FARS2: variants seen among roughly 807,000 people sequenced by gnomAD.
FARS2 encodes the protein phenylalanine--tRNA ligase, mitochondrial.
A neutral mutation model predicts 46.4 loss-of-function variants in FARS2; 40 were observed. That is an observed-to-expected ratio of 0.86 (90% CI 0.67 to 1.12). The LOEUF is 1.12. Ranked by LOEUF, FARS2 falls within the 50% of genes most tolerant of loss-of-function variation. The pLI, the probability that FARS2 is intolerant of heterozygous loss-of-function variation, is 0.00. For missense variants in FARS2, 513 were observed against 567.9 expected, an observed-to-expected ratio of 0.90 and a Z score of 0.98; for synonymous variants, 234 against 214.9, an observed-to-expected ratio of 1.09 and a Z score of -0.78.
chr6:5,493,666 A>G (rs1767272189), intron 4 of FARS2, among the ~76,000 whole-genome samples: 3 of 152,246 alleles, frequency 2.0e-5, no homozygotes, highest in Admixed American at 2.0e-4. Context: ...CATTTATAAA[A>G]TGGGAGCAGT....
intron 4 of FARS2, among the ~76,000 whole-genome samples, chr6:5,459,666 G>T (rs907840145): frequency 2.0e-5 from 3 of 152,136 alleles, no homozygotes; most frequent in Non-Finnish European, 4.4e-5. Flanking sequence ...TTTAAAAAAA[G>T]ACTTCTATTC....
chr6:5,436,571 C>T (rs1216408297), intron 4 of FARS2, among the ~76,000 whole-genome samples: 2 of 152,180 alleles, frequency 1.3e-5, no homozygotes, highest in African/African-American at 2.4e-5. Flanking sequence ...ATCGTTAGAA[C>T]ATAGTCATGC....
At chr6:5,298,685 T>C (rs1647100824) in intron 1 of FARS2, among the ~76,000 whole-genome samples, 1 of 152,158 alleles carries the variant, frequency 6.6e-6, no homozygotes, top group African/African-American at 2.4e-5. Context: ...GAGGTGATTC[T>C]AATGTGCCAT....
chr6:5,288,604 T>C (rs1767290066), intron 1 of FARS2, among the ~76,000 whole-genome samples: 1 of 152,194 alleles, frequency 6.6e-6, no homozygotes, highest in African/African-American at 2.4e-5. Flanking sequence ...GGTTGGATTC[T>C]CCCATTCATT....
intron 2 of FARS2, among the ~76,000 whole-genome samples, chr6:5,397,513 T>C (rs1760980906): frequency 6.6e-6 from 1 of 152,176 alleles, no homozygotes; most frequent in Non-Finnish European, 1.5e-5. Context: ...TGGAGGATGC[T>C]GATAGTGGAG....
chr6:5,280,805 A>C (rs1766667630), intron 1 of FARS2, among the ~76,000 whole-genome samples: 1 of 152,082 alleles, frequency 6.6e-6, no homozygotes, highest in Non-Finnish European at 1.5e-5. Flanking sequence ...GTTTACAGTA[A>C]ATTATACACT....
At chr6:5,295,985 A>G (rs1343977079) in intron 1 of FARS2, among the ~76,000 whole-genome samples, 2 of 152,146 alleles carry the variant, frequency 1.3e-5, no homozygotes, top group Non-Finnish European at 2.9e-5. Context: ...TGGAGGGCTT[A>G]CTGTGTGCCA....
intron 1 of FARS2, among the ~76,000 whole-genome samples, chr6:5,268,814 A>G (rs566729228): frequency 2.6e-5 from 4 of 152,194 alleles, no homozygotes; most frequent in African/African-American, 7.2e-5. Context: ...TTTTCACGAT[A>G]TTGATTCTTC....
chr6:5,715,310 C>A (rs991103021), intron 6 of FARS2, among the ~76,000 whole-genome samples: 2 of 152,084 alleles, frequency 1.3e-5, no homozygotes, highest in South Asian at 2.1e-4. Flanking sequence ...CCTGCCCACA[C>A]CCTCCCCAGC....
intron 6 of FARS2, among the ~76,000 whole-genome samples, chr6:5,645,077 A>T (rs1302612591): frequency 6.6e-6 from 1 of 152,224 alleles, no homozygotes; most frequent in Non-Finnish European, 1.5e-5. Context: ...AACTTGGATG[A>T]GAATATTCTC....
rs577402174 is a variant in FARS2, at chr6:5,599,898, T to G, written c.1066-13271T>G. Among the ~76,000 whole-genome samples, 118 of 152,244 alleles carry G rather than the reference T, an allele frequency of 7.8e-4. 1 individual carries two copies. The highest frequency in any genetic ancestry group is 2.6e-3 in the African/African-American group (106 of 41,568). On this transcript the variant is annotated intron_variant, in intron 5 of 6. Coordinates refer to ENST00000274680, the MANE Select transcript of FARS2 (RefSeq NM_006567.5). Reference sequence around the variant, plus strand: ...CTCAGGCTTGCTTCTTTTTTTTTTTTTGTGAAAAAGCATTAAGTTCAGGCA... The same window carrying G: ...CTCAGGCTTGCTTCTTTTTTTTTTTGTGTGAAAAAGCATTAAGTTCAGGCA...
intron 6 of FARS2, among the ~76,000 whole-genome samples, chr6:5,753,110 T>C (rs1762037954): frequency 6.6e-6 from 1 of 152,188 alleles, no homozygotes; most frequent in South Asian, 2.1e-4. Flanking sequence ...TTTAGGCACC[T>C]AAAATCCCTT....
At chr6:5,312,601 G>A (rs191800598) in intron 1 of FARS2, among the ~76,000 whole-genome samples, 1 of 152,338 alleles carries the variant, frequency 6.6e-6, no homozygotes, top group East Asian at 1.9e-4. Context: ...GTTATTCCCA[G>A]TGTGTGTTAG....
chr6:5,267,894 T>C (rs1312988453), intron 1 of FARS2, among the ~76,000 whole-genome samples: 3 of 152,166 alleles, frequency 2.0e-5, no homozygotes, highest in Admixed American at 1.3e-4. Flanking sequence ...TGATCGCCAT[T>C]CTAACTGGTG....
chr6:5,655,234 A>G (rs13220370), intron 6 of FARS2, among the ~76,000 whole-genome samples: 41,387 of 152,082 alleles, frequency 0.27, 6,194 homozygotes, highest in South Asian at 0.42. Context: ...CTTAAACTCT[A>G]TAGAGCTTGA....
intron 3 of FARS2, among the ~76,000 whole-genome samples, chr6:5,411,167 T>C (rs1417194581): frequency 6.6e-6 from 1 of 152,160 alleles, no homozygotes; most frequent in Non-Finnish European, 1.5e-5. Flanking sequence ...TAGTCCCAGC[T>C]ACTTAGGAGG....
At chr6:5,718,058 C>A (rs563363341) in intron 6 of FARS2, among the ~76,000 whole-genome samples, 1 of 151,882 alleles carries the variant, frequency 6.6e-6, no homozygotes, top group South Asian at 2.1e-4. Flanking sequence ...GGATTACAGG[C>A]GTGTGCCACC....
Position 5,341,218 on chromosome 6 carries a change from TATATATATA to T in FARS2, c.-21-27331_-21-27323del, listed in dbSNP as rs1561969933. 8.1e-3 allele frequency among the ~76,000 whole-genome samples: 60 copies of T among 7,434 alleles called. 5 individuals are homozygous for T. The highest frequency in any genetic ancestry group is 0.028 in the Admixed American group (15 of 538). The allele number at this position is 7,434 out of a possible 152,430, so 4.9% of individuals were successfully genotyped here. A position where few individuals can be genotyped will look rare whatever the true frequency, so the allele number is the denominator to read the frequency against. The stretch of plus-strand genomic sequence containing the variant: ...ATATATATATATATATATATATATA[TATATATATA>T]TATATATATTTTTTTTTTTTTTTTT... On this transcript the variant is annotated intron_variant, in intron 1 of 6. Coordinates refer to ENST00000274680, the MANE Select transcript of FARS2 (RefSeq NM_006567.5).
intron 1 of FARS2, among the ~76,000 whole-genome samples, chr6:5,288,855 AC>A (rs1249297910): frequency 6.6e-6 from 1 of 152,194 alleles, no homozygotes; most frequent in African/African-American, 2.4e-5. Flanking sequence ...ATTTTAAGCA[AC>A]CCAGTTTTTG....
Sources: gnomAD v4.1 joint callset for allele counts (sites outside exome capture counted in the v4.1 genomes callset) on GRCh38, gnomAD v4.1.1 for gene constraint, MANE v1.5 for transcripts, NCBI Gene and HGNC (gene_info 2026-07-23, HGNC 2026-07-21) for gene names.